NSD1: variants seen among roughly 807,000 people sequenced by gnomAD.
NSD1 encodes histone-lysine N-methyltransferase, H3 lysine-36 specific.
Under a neutral mutation model 242.7 loss-of-function variants are expected in NSD1, and 26 were observed. That is an observed-to-expected ratio of 0.11 (90% CI 0.08 to 0.15). The LOEUF (loss-of-function observed/expected upper bound fraction) is 0.15, where lower values mean the gene tolerates loss of function less well. Among genes scored for constraint, NSD1 ranks in the 10% least tolerant of loss-of-function variants. NSD1 has a pLI of 1.00. For missense variants in NSD1, 2,495 were observed against 3,272.8 expected, an observed-to-expected ratio of 0.76 and a Z score of 5.80; for synonymous variants, 1,106 against 1,178.1, an observed-to-expected ratio of 0.94 and a Z score of 1.25.
intron 2 of NSD1, among the ~76,000 whole-genome samples, chr5:177,148,767 A>G (rs1346944762): frequency 6.6e-6 from 1 of 152,050 alleles, no homozygotes; most frequent in Non-Finnish European, 1.5e-5. Context: ...TGTTTTCCCT[A>G]GTGTCTGTAC....
At chr5:177,166,224 A>G (rs939298741) in intron 2 of NSD1, among the ~76,000 whole-genome samples, 10 of 151,920 alleles carry the variant, frequency 6.6e-5, no homozygotes, top group Admixed American at 6.6e-5. Context: ...CCCAGCCCAC[A>G]TTCTTGATAA....
intron 5 of NSD1, among the ~76,000 whole-genome samples, chr5:177,231,880 T>G: frequency 6.6e-6 from 1 of 152,262 alleles, no homozygotes; most frequent in African/African-American, 2.4e-5. Flanking sequence ...GATAATGACA[T>G]ATAATCAGTT....
chr5:177,246,724 G>A lies in NSD1; in HGVS notation c.4425G>A (p.Arg1475=), dbSNP rs767003163. 19 of 1,614,116 alleles carry A rather than the reference G, an allele frequency of 1.2e-5. No individual in the cohort carries two copies. The highest frequency in any genetic ancestry group is 1.4e-5 in the Non-Finnish European group (17 of 1,179,992). ...FDKPRKRKRQ[R]HAAAKMQCKK... Reference sequence around the variant, plus strand: ...AGCCAAGGAAGCGAAAACGACAGAGGCATGCTGCAGCCAAGATGCAGTGTA... The same window carrying A: ...AGCCAAGGAAGCGAAAACGACAGAGACATGCTGCAGCCAAGATGCAGTGTA... Residue 1475 remains arginine, a synonymous_variant, in exon 10 of 23, where the codon AGG becomes AGA. Transcript: ENST00000439151.
intron 2 of NSD1, among the ~76,000 whole-genome samples, chr5:177,188,213 G>A (rs1761390605): frequency 6.6e-6 from 1 of 152,102 alleles, no homozygotes; most frequent in Admixed American, 6.6e-5. Flanking sequence ...GTCTGTCTCT[G>A]CAAGATAAAA....
chr5:177,236,040 C>A, intron 6 of NSD1, 95 bp downstream of exon 6: 1 of 1,375,144 alleles, frequency 7.3e-7, no homozygotes, highest in South Asian at 1.2e-5. Context: ...ACAATAATTT[C>A]CTTAACTGAG....
intron 21 of NSD1, among the ~76,000 whole-genome samples, chr5:177,290,270 A>G (rs1374150238): frequency 6.6e-6 from 1 of 150,954 alleles, no homozygotes; most frequent in African/African-American, 2.4e-5. Context: ...TGAAAATTGC[A>G]GTTTAATTTT....
intron 11 of NSD1, among the ~76,000 whole-genome samples, chr5:177,248,613 A>G (rs567871416): frequency 6.6e-6 from 1 of 152,354 alleles, no homozygotes; most frequent in Non-Finnish European, 1.5e-5. Context: ...TTATTCAAAT[A>G]TAATTCTCCA....
chr5:177,139,818 G>A (rs941592606), intron 2 of NSD1, among the ~76,000 whole-genome samples: 7 of 151,952 alleles, frequency 4.6e-5, no homozygotes, highest in Non-Finnish European at 1.0e-4. Context: ...TGGTATGCCT[G>A]TAGTCCCAGC....
chr5:177,266,108 C>T (rs1380625061), intron 14 of NSD1: 3 of 1,124,720 alleles, frequency 2.7e-6, no homozygotes, highest in Non-Finnish European at 4.1e-6. Context: ...CAGTGTGGCC[C>T]GTTCTGGGAA....
chr5:177,276,492 A>C (rs1440507379), intron 17 of NSD1, among the ~76,000 whole-genome samples: 1 of 151,690 alleles, frequency 6.6e-6, no homozygotes, highest in Non-Finnish European at 1.5e-5. Flanking sequence ...CACCTGGCTA[A>C]TTTTTGTGTT....
chr5:177,256,275 C>CTTTTTTT (rs147226070), intron 12 of NSD1, among the ~76,000 whole-genome samples: 3 of 76,854 alleles, frequency 3.9e-5, no homozygotes, highest in African/African-American at 1.6e-4. Context: ...TGCCCCCACA[C>CTTTTTTT]TTTTTTTTTT....
intron 14 of NSD1, among the ~76,000 whole-genome samples, chr5:177,261,685 A>C (rs1757011411): frequency 1.3e-5 from 2 of 152,114 alleles, no homozygotes; most frequent in Admixed American, 1.3e-4. Flanking sequence ...TTCTAAGTTC[A>C]TGGTAATGGT....
chr5:177,292,037 A>G lies in NSD1; in HGVS notation c.6342A>G (p.Thr2114=). The G allele has an allele frequency of 6.2e-7, 1 of 1,614,208 alleles. No individual in the cohort carries two copies. Among genetic ancestry groups the G allele is most frequent in the Non-Finnish European group, 8.5e-7 (1 of 1,180,028 alleles). Residue 2114 remains threonine, a synonymous_variant, in exon 22 of 23, where the codon ACA becomes ACG. Transcript: ENST00000439151. ...QGKRRTQGEI[T]KEREDECFSC... ...AGCGCAGGACCCAGGGTGAAATCAC[A>G]AAGGAGCGAGAAGATGAGTGTTTTA...
chr5:177,269,884 A>G lies in NSD1; in HGVS notation c.5509+77A>G, dbSNP rs1460375555. ...GTGTCTGATCTGTTTTAGAATTCACATATGCTCCATTTTGAAACTGCCTTT... is the reference window on the plus strand; with the variant it reads ...GTGTCTGATCTGTTTTAGAATTCACGTATGCTCCATTTTGAAACTGCCTTT... On this transcript the variant is annotated intron_variant, in intron 16 of 22. Coordinates refer to ENST00000439151, the MANE Select transcript of NSD1 (RefSeq NM_022455.5). The surrounding 1 kb of genome is among the most constrained non-coding windows in gnomAD (Gnocchi z 5.1). The G allele has an allele frequency of 2.3e-6, 3 of 1,280,296 alleles. No individual in the cohort carries two copies. Among genetic ancestry groups the G allele is most frequent in the East Asian group, 2.3e-5 (1 of 43,046 alleles). The allele number at this position is 1,280,296 out of a possible 1,614,324, so 79.3% of individuals were successfully genotyped here.
chr5:177,169,847 A>G (rs534716507), intron 2 of NSD1, among the ~76,000 whole-genome samples: 36 of 152,344 alleles, frequency 2.4e-4, no homozygotes, highest in Admixed American at 3.9e-4. Context: ...AAAAACTGCA[A>G]TTACTTCTGT....
At chr5:177,259,782 G>C (rs951967735) in intron 13 of NSD1, among the ~76,000 whole-genome samples, 13 of 152,144 alleles carry the variant, frequency 8.5e-5, no homozygotes, top group Non-Finnish European at 1.5e-4. Context: ...GACAGTTACG[G>C]GATTTGATTC....
chr5:177,188,113 C>T (rs1008181730), intron 2 of NSD1, among the ~76,000 whole-genome samples: 3 of 152,078 alleles, frequency 2.0e-5, no homozygotes, highest in Non-Finnish European at 4.4e-5. Flanking sequence ...GTGACTTATT[C>T]GTCTTTGTGT....
intron 4 of NSD1, among the ~76,000 whole-genome samples, chr5:177,207,114 T>C (rs1231531861): frequency 6.6e-6 from 1 of 151,934 alleles, no homozygotes; most frequent in Non-Finnish European, 1.5e-5. Context: ...TTTTTGTATT[T>C]TTAGTAGAGA....
At chr5:177,221,090 C>A in intron 5 of NSD1, 4 of 448,798 alleles carry the variant, frequency 8.9e-6, no homozygotes, top group South Asian at 6.3e-5. Context: ...CCAGGCTGGT[C>A]TTGAACTCCT....
Sources: allele counts gnomAD v4.1 joint callset (sites outside exome capture counted in the v4.1 genomes callset), GRCh38; gene constraint gnomAD v4.1.1; non-coding constraint Gnocchi (gnomAD v3.1); transcripts MANE v1.5; gene names NCBI Gene and HGNC (gene_info 2026-07-23, HGNC 2026-07-21).